The following ADGRB2 variants were observed in gnomAD, a reference collection of about 807,000 sequenced individuals.
ADGRB2 encodes the protein adhesion G protein-coupled receptor B2.
Under a neutral mutation model 178.7 loss-of-function variants are expected in ADGRB2, and 47 were observed. The observed-to-expected ratio is 0.26, with a 90% CI of 0.21 to 0.34. The LOEUF (loss-of-function observed/expected upper bound fraction) is 0.34, where lower values mean the gene tolerates loss of function less well. ADGRB2 is among the 10% of genes least tolerant of loss of function. The probability of loss-of-function intolerance (pLI) is 1.00; values close to 1 mark genes in which losing one functional copy is unlikely to be tolerated. For synonymous variants in ADGRB2, 870 were observed against 912.4 expected, an observed-to-expected ratio of 0.95 and a Z score of 0.84; for missense variants, 1,584 against 2,180.8, an observed-to-expected ratio of 0.73 and a Z score of 5.45.
rs928904151 is a variant in ADGRB2 at position 31,758,409 on chromosome 1, G to C, written c.-190-898C>G. Among the ~76,000 whole-genome samples the C allele has an allele frequency of 5.3e-5, 8 of 152,214 alleles. No homozygotes were observed. Among genetic ancestry groups the C allele is most frequent in the African/African-American group, 1.9e-4 (8 of 41,446 alleles). The stretch of plus-strand genomic sequence containing the variant: ...GGACCAGCTATTAGCTCTGGGGACT[G>C]AATCAGAAACACAGGACAATTCACA... On this transcript the variant is annotated intron_variant, in intron 1 of 32. Coordinates refer to ENST00000373658, the MANE Select transcript of ADGRB2 (RefSeq NM_001364857.2). The surrounding 1 kb of genome is among the most constrained non-coding windows in gnomAD (Gnocchi z 4.2).
In ADGRB2 at chr1:31,741,538, C is replaced by T; in HGVS notation, c.1688-59G>A. 6.3e-7 allele frequency: 1 copy of T among 1,587,654 alleles called. No individual in the cohort carries two copies. The highest frequency in any genetic ancestry group is 8.6e-7 in the Non-Finnish European group (1 of 1,163,774). On this transcript the variant is annotated intron_variant, in intron 10 of 32. Coordinates refer to ENST00000373658, the MANE Select transcript of ADGRB2 (RefSeq NM_001364857.2). The surrounding 1 kb of genome is among the most constrained non-coding windows in gnomAD (Gnocchi z 6.5). Reference sequence around the variant, plus strand: ...GGGCCGAGCTCTCACCCACACTCCTCCGTATCTCAGAGAGGCTGGGGGCGC... The same window carrying T: ...GGGCCGAGCTCTCACCCACACTCCTTCGTATCTCAGAGAGGCTGGGGGCGC...
At position 31,756,567 on chromosome 1, in the gene ADGRB2, GCA is replaced by G; in HGVS notation, c.268_269del (p.Cys90ArgfsTer23). ...GCAGCAGGCGGGGGGCAAAGTGTGC[GCA>G]CACCTGCTCCTGGCGGTTGAAGCGC... ...YLRFNRQEQV[C>X]AHFAPRLLPL... On this transcript the variant is annotated frameshift_variant, in exon 4 of 33. Transcript: ENST00000373658. LOFTEE classifies it high-confidence loss of function. This position sits in a 1 kb window ranked among gnomAD's most constrained non-coding sequence, Gnocchi z 8.5. 1 of 1,612,274 alleles carries G rather than the reference GCA, an allele frequency of 6.2e-7. No homozygotes were observed. Among genetic ancestry groups the G allele is most frequent in the Non-Finnish European group, 8.5e-7 (1 of 1,179,056 alleles).
In ADGRB2 at chr1:31,756,150, CG is replaced by C; in HGVS notation, c.686del (p.Ala229GlyfsTer49). ...AQPGCSCPGE[A>X]GAGSTTTTSP... The stretch of plus-strand genomic sequence containing the variant: ...ATGTGGTGGTGGTGGAGCCGGCCCC[CG>C]CCTCTCCAGGGCAGCTGCAGCCTGG... On this transcript the variant is annotated frameshift_variant, in exon 4 of 33. Transcript: ENST00000373658. LOFTEE classifies it high-confidence loss of function. The surrounding 1 kb of genome is among the most constrained non-coding windows in gnomAD (Gnocchi z 8.5). 1 of 1,613,518 alleles carries C rather than the reference CG, an allele frequency of 6.2e-7. No individual in the cohort carries two copies. The highest frequency in any genetic ancestry group is 8.5e-7 in the Non-Finnish European group (1 of 1,179,906).
In ADGRB2 at chr1:31,761,484, A is replaced by C. The variant is rs1647040948; in HGVS notation, c.-191+2400T>G. Among the ~76,000 whole-genome samples, 1 of 152,122 alleles carries C rather than the reference A, an allele frequency of 6.6e-6. No individual in the cohort carries two copies. The highest frequency in any genetic ancestry group is 2.4e-5 in the African/African-American group (1 of 41,424). ...AGGCTGCCTGCCTTCGGGGACTCTG[A>C]CTGGGGTTTCTTCTCTGTACTTCTC... On this transcript the variant is annotated intron_variant, in intron 1 of 32. Coordinates refer to ENST00000373658, the MANE Select transcript of ADGRB2 (RefSeq NM_001364857.2). The surrounding 1 kb of genome is among the most constrained non-coding windows in gnomAD (Gnocchi z 4.2).
At chr1:31,752,402 C>T (rs1353655133) in intron 4 of ADGRB2, among the ~76,000 whole-genome samples, 1 of 152,132 alleles carries the variant, frequency 6.6e-6, no homozygotes, top group African/African-American at 2.4e-5. Flanking sequence ...GGTCTCCCCG[C>T]CCCCACCCTG....
Position 31,764,143 on chromosome 1 carries a change from C to CCCCACGCT in ADGRB2, c.-451_-450insAGCGTGGG. On this transcript the variant is annotated 5_prime_UTR_variant, in exon 1 of 33. Transcript: ENST00000373658. The surrounding 1 kb of genome is among the most constrained non-coding windows in gnomAD (Gnocchi z 7.3). ...CCGCCGCCGCCTCCTTGCCGCGCCGCCCCCCGCTCCCCCGCTCCCCCGCCC... is the reference window on the plus strand; with the variant it reads ...CCGCCGCCGCCTCCTTGCCGCGCCGCCCCACGCTCCCCCGCTCCCCCGCTCCCCCGCCC... 2.8e-6 allele frequency: 2 copies of CCCCACGCT among 723,462 alleles called. No homozygotes were observed. The highest frequency in any genetic ancestry group is 3.4e-6 in the Non-Finnish European group (2 of 594,588). 44.8% of individuals were successfully genotyped at this position (723,462 alleles called of 1,614,324 possible).
In ADGRB2 at chr1:31,740,893, G is replaced by GTGCACA. The variant is rs1553185142; in HGVS notation, c.1795-353_1795-352insTGTGCA. On this transcript the variant is annotated intron_variant, in intron 11 of 32. Transcript: ENST00000373658. The surrounding 1 kb of genome is among the most constrained non-coding windows in gnomAD (Gnocchi z 5.9). ...GTAATGAGCATGTGTGTGGGCGCGC[G>GTGCACA]CGCACACACACACACACACACACAC... Among the ~76,000 whole-genome samples, 2 of 33,762 alleles carry GTGCACA rather than the reference G, an allele frequency of 5.9e-5. No individual in the cohort carries two copies. The highest frequency in any genetic ancestry group is 1.5e-4 in the Non-Finnish European group (2 of 13,206). 22.1% of individuals were successfully genotyped at this position (33,762 alleles called of 152,430 possible).
rs1273456418 is a variant in ADGRB2 at position 31,741,517 on chromosome 1, C to T, written c.1688-38G>A. 4.4e-6 allele frequency: 7 copies of T among 1,579,570 alleles called. No individual in the cohort carries two copies. Among genetic ancestry groups the T allele is most frequent in the Admixed American group, 1.8e-5 (1 of 54,444 alleles). On this transcript the variant is annotated intron_variant, in intron 10 of 32. Coordinates refer to ENST00000373658, the MANE Select transcript of ADGRB2 (RefSeq NM_001364857.2). This position sits in a 1 kb window ranked among gnomAD's most constrained non-coding sequence, Gnocchi z 6.5. ...AGGACAGAGGTCTGGGCATGGGGGC[C>T]GAGCTCTCACCCACACTCCTCCGTA...
chr1:31,759,459 G>GC lies in ADGRB2; in HGVS notation c.-190-1949dup. ...CTAGGCTGCTGCTCCCTACTCCACA[G>GC]CCCCGCCCCATCAAGAAGCACAAGG... is the stretch of plus-strand genomic sequence containing the variant. On this transcript the variant is annotated intron_variant, in intron 1 of 32. Coordinates refer to ENST00000373658, the MANE Select transcript of ADGRB2 (RefSeq NM_001364857.2). The surrounding 1 kb of genome is among the most constrained non-coding windows in gnomAD (Gnocchi z 4.3). 4.0e-6 allele frequency: 3 copies of GC among 745,754 alleles called. No homozygotes were observed. Among genetic ancestry groups the GC allele is most frequent in the Non-Finnish European group, 7.5e-6 (3 of 398,380 alleles). 46.2% of individuals were successfully genotyped at this position (745,754 alleles called of 1,614,324 possible).
chr1:31,744,479 A>C lies in ADGRB2; in HGVS notation c.923-122T>G, dbSNP rs980803642. 9 of 1,458,908 alleles carry C rather than the reference A, an allele frequency of 6.2e-6. No homozygotes were observed. Among genetic ancestry groups the C allele is most frequent in the Non-Finnish European group, 8.3e-6 (9 of 1,077,944 alleles). The allele number at this position is 1,458,908 out of a possible 1,614,324, so 90.4% of individuals were successfully genotyped here. ...AGAGGGCTCCTCCTACCCTGACCCC[A>C]AGTAACAGGCTCTTCAGGAGGCCAC... On this transcript the variant is annotated intron_variant, in intron 5 of 32. Coordinates refer to ENST00000373658, the MANE Select transcript of ADGRB2 (RefSeq NM_001364857.2). The surrounding 1 kb of genome is among the most constrained non-coding windows in gnomAD (Gnocchi z 6.7).
At position 31,736,655 on chromosome 1, in the gene ADGRB2, G is replaced by C. The variant is rs1392737844; in HGVS notation, c.3048C>G (p.Thr1016=). The change falls in exon 21 of 33, where the codon ACC becomes ACG. Residue 1016 remains threonine, a synonymous_variant. Coordinates refer to ENST00000373658, the MANE Select transcript of ADGRB2 (RefSeq NM_001364857.2). Reference sequence around the variant, plus strand: ...CAGCCAGGTAGGACTGCCAGGCCTCGGTAAGCACCCAGCAAAAGGAGGAGA... The same window carrying C: ...CAGCCAGGTAGGACTGCCAGGCCTCCGTAAGCACCCAGCAAAAGGAGGAGA... ...FFLSSFCWVL[T]EAWQSYLAVI... 2 of 1,614,018 alleles carry C rather than the reference G, an allele frequency of 1.2e-6. No individual in the cohort carries two copies. The highest frequency in any genetic ancestry group is 2.7e-5 in the African/African-American group (2 of 74,932).
chr1:31,760,051 C>T (rs1203883298), intron 1 of ADGRB2, among the ~76,000 whole-genome samples: 1 of 152,202 alleles, frequency 6.6e-6, no homozygotes, highest in Non-Finnish European at 1.5e-5. Flanking sequence ...TGCCCTCTTG[C>T]CTGCTGAGGT....
Position 31,741,541 on chromosome 1 carries a change from T to A in ADGRB2, c.1688-62A>T. On this transcript the variant is annotated intron_variant, in intron 10 of 32. Transcript: ENST00000373658. This position sits in a 1 kb window ranked among gnomAD's most constrained non-coding sequence, Gnocchi z 6.5. ...CCGAGCTCTCACCCACACTCCTCCG[T>A]ATCTCAGAGAGGCTGGGGGCGCAGA... 2 of 1,588,682 alleles carry A rather than the reference T, an allele frequency of 1.3e-6. No individual in the cohort carries two copies. The highest frequency in any genetic ancestry group is 1.7e-6 in the Non-Finnish European group (2 of 1,163,772).
chr1:31,738,983 C>G, intron 15 of ADGRB2, 46 bp from the exon 16 acceptor site: 1 of 1,521,562 alleles, frequency 6.6e-7, no homozygotes, highest in Non-Finnish European at 9.0e-7. Flanking sequence ...GGGTGCCAGC[C>G]CCAGTCAGAA....
In ADGRB2 at chr1:31,737,417, G is replaced by C; in HGVS notation, c.2979+12C>G. On this transcript the variant is annotated intron_variant, in intron 20 of 32. Transcript: ENST00000373658. ...ACTCACACCCCTGGCAGCCCTGGAA[G>C]TCTGCACCTGCCTTGCTCAGCACCC... The C allele has an allele frequency of 1.2e-6, 2 of 1,610,494 alleles. No individual in the cohort carries two copies. The highest frequency in any genetic ancestry group is 1.7e-6 in the Non-Finnish European group (2 of 1,176,682).
rs1245385104 is a variant in ADGRB2 at position 31,740,891 on chromosome 1, G to A, written c.1795-350C>T. ...GTGTAATGAGCATGTGTGTGGGCGCGCGCGCACACACACACACACACACAC... is the reference window on the plus strand; with the variant it reads ...GTGTAATGAGCATGTGTGTGGGCGCACGCGCACACACACACACACACACAC... On this transcript the variant is annotated intron_variant, in intron 11 of 32. Transcript: ENST00000373658. This position sits in a 1 kb window ranked among gnomAD's most constrained non-coding sequence, Gnocchi z 5.9. Among the ~76,000 whole-genome samples the A allele has an allele frequency of 7.4e-5, 4 of 54,006 alleles. No homozygotes were observed. Among genetic ancestry groups the A allele is most frequent in the African/African-American group, 1.2e-4 (2 of 16,288 alleles). 35.4% of individuals were successfully genotyped at this position (54,006 alleles called of 152,430 possible). A position where few individuals can be genotyped will look rare whatever the true frequency, so the allele number is the denominator to read the frequency against.
intron 4 of ADGRB2, among the ~76,000 whole-genome samples, chr1:31,746,504 CT>C (rs968447384): frequency 2.0e-5 from 3 of 152,182 alleles, no homozygotes; most frequent in African/African-American, 7.2e-5. Context: ...AAATCTATGG[CT>C]GTGCCAACTG....
At chr1:31,736,439 C>A in intron 21 of ADGRB2, 49 bp from the exon 22 acceptor site, 1 of 1,609,412 alleles carries the variant, frequency 6.2e-7, no homozygotes, top group Non-Finnish European at 8.5e-7. Flanking sequence ...TCTTCAGGGA[C>A]CCCTTGTTCT....
At chr1:31,736,201 T>C in intron 22 of ADGRB2, 120 bp downstream of exon 22, 1 of 1,211,420 alleles carries the variant, frequency 8.3e-7, no homozygotes, top group Non-Finnish European at 1.2e-6. Flanking sequence ...AGCTCAGAAA[T>C]GGGGAGGAAC....
Sources: gnomAD v4.1 joint callset for allele counts (sites outside exome capture counted in the v4.1 genomes callset) on GRCh38, gnomAD v4.1.1 for gene constraint, Gnocchi (gnomAD v3.1) non-coding constraint, MANE v1.5 for transcripts, NCBI Gene and HGNC (gene_info 2026-07-23, HGNC 2026-07-21) for gene names.